Variants in ARMCX4 observed in about 807,000 individuals in gnomAD.
ARMCX4 encodes the protein armadillo repeat containing X-linked 4.
A neutral mutation model predicts 34.7 loss-of-function variants in ARMCX4; 3 were observed. The ratio of observed to expected loss-of-function variants is 0.09; its 90% CI spans 0.04 to 0.22. The LOEUF is 0.22. ARMCX4 is among the 10% of genes least tolerant of loss of function. The pLI is 1.00. For missense variants in ARMCX4, 1,448 were observed against 1,720.8 expected (o/e 0.84, Z 2.81); for synonymous variants, 513 against 632.8 (o/e 0.81, Z 2.84).
chrX:101,441,001 T>C (rs2147561764), intron 2 of ARMCX4, among the ~76,000 whole-genome samples: 1 of 110,840 alleles, frequency 9.0e-6, no homozygotes, highest in African/African-American at 3.3e-5. Flanking sequence ...TTTCTGACAC[T>C]CCTCAGTGAG....
At position 101,492,964 on chromosome X, in the gene ARMCX4, G is replaced by T; in HGVS notation, c.4375G>T (p.Val1459Phe). The change falls in exon 6 of 6, where the codon GTT (valine) becomes TTT (phenylalanine). Residue 1459 changes from valine to phenylalanine, a missense_variant. Physicochemically the swap from Val to Phe is conservative, Grantham distance 50. This residue lies in a region of ARMCX4 where 1,343 missense variants were observed against 1,540.7 expected (regional missense o/e 0.87). Coordinates refer to ENST00000423738, the MANE Select transcript of ARMCX4 (RefSeq NM_001256155.3). ...SWTGAGHPASVGPKPIFEDQV... is the reference protein window; with the variant it reads ...SWTGAGHPASFGPKPIFEDQV... ...GACTGGGGCTGGGCATCCAGCTAGT[G>T]TTGGGCCAAAGCCTATATTTGAGGA... 1 of 1,155,778 alleles carries T rather than the reference G, an allele frequency of 8.7e-7. No individual in the cohort carries two copies. Among genetic ancestry groups the T allele is most frequent in the Non-Finnish European group, 1.1e-6 (1 of 872,664 alleles).
downstream of ARMCX4, among the ~76,000 whole-genome samples, chrX:101,534,367 A>G (rs1215142345): frequency 9.0e-6 from 1 of 111,435 alleles, no homozygotes; most frequent in Non-Finnish European, 1.9e-5. Context: ...TTTTTAGGGG[A>G]CTATAACAAA....
intron 11 of ARMCX4, among the ~76,000 whole-genome samples, chrX:101,512,944 C>T (rs1556016801): frequency 9.3e-6 from 1 of 107,092 alleles, no homozygotes; most frequent in African/African-American, 3.4e-5. Flanking sequence ...TGGGAACTGA[C>T]AAGCCTGAAA....
At chrX:101,527,894 C>T (rs1308325875) in intron 11 of ARMCX4, among the ~76,000 whole-genome samples, 3 of 111,600 alleles carry the variant, frequency 2.7e-5, no homozygotes, top group African/African-American at 9.8e-5. Context: ...CCGAATTCTA[C>T]CAGAGGTACA....
At chrX:101,531,347 A>G (rs1330759097) in intron 11 of ARMCX4, among the ~76,000 whole-genome samples, 1 of 112,170 alleles carries the variant, frequency 8.9e-6, no homozygotes, top group Non-Finnish European at 1.9e-5. Flanking sequence ...TTGAGGAGCC[A>G]TTATTCTTCC....
chrX:101,493,424 G>A lies in ARMCX4; in HGVS notation c.4835G>A (p.Gly1612Asp). The A allele has an allele frequency of 8.7e-7, 1 of 1,153,964 alleles. No homozygotes were observed. Among genetic ancestry groups the A allele is most frequent in the Non-Finnish European group, 1.1e-6 (1 of 872,094 alleles). Residue 1612 changes from glycine (G) to aspartate (D), a missense_variant, in exon 6 of 6, where the codon GGT becomes GAT. By Grantham distance (94) the Gly-to-Asp change is moderately conservative (BLOSUM62 -1). Coordinates refer to ENST00000423738, the MANE Select transcript of ARMCX4 (RefSeq NM_001256155.3). ...CAGTCCAGTGGAATAGGTTCCTGGG[G>A]TGTGGCTGGTGGCCAGGTCCTTGGG... ...EDQSSGIGSW[G>D]VAGGQVLGGA... is the part of the protein sequence containing the mutation.
chrX:101,458,343 T>G (rs782026037), intron 4 of ARMCX4, among the ~76,000 whole-genome samples: 1 of 111,128 alleles, frequency 9.0e-6, no homozygotes, highest in East Asian at 2.8e-4. Context: ...TAAAATAACA[T>G]AAATAAGTAA....
intron 11 of ARMCX4, chrX:101,516,782 C>T (rs1934754452): frequency 9.0e-6 from 1 of 111,409 alleles, no homozygotes; most frequent in Non-Finnish European, 1.9e-5. Flanking sequence ...TCACTGCAGC[C>T]TTGGCATTAT....
intron 2 of ARMCX4, among the ~76,000 whole-genome samples, chrX:101,439,826 A>G (rs782767237): frequency 2.7e-5 from 3 of 111,944 alleles, no homozygotes; most frequent in South Asian, 7.5e-4. Context: ...TTTCAGCTCC[A>G]TCAGGTCCTT....
At chrX:101,420,512 A>T (rs1009103287) in intron 2 of ARMCX4, among the ~76,000 whole-genome samples, 3 of 112,018 alleles carry the variant, frequency 2.7e-5, no homozygotes, top group Admixed American at 9.5e-5. Flanking sequence ...TAGCCATGCA[A>T]GTGTATAATT....
upstream of ARMCX4, among the ~76,000 whole-genome samples, chrX:101,484,203 C>G (rs1933591408): frequency 9.0e-6 from 1 of 111,657 alleles, no homozygotes; most frequent in African/African-American, 3.3e-5. Flanking sequence ...CATCCACAGA[C>G]CCTCACCACC....
intron 11 of ARMCX4, among the ~76,000 whole-genome samples, chrX:101,524,675 G>A (rs1934926489): frequency 9.0e-6 from 1 of 111,630 alleles, no homozygotes; most frequent in Non-Finnish European, 1.9e-5. Flanking sequence ...CACCTGGCTC[G>A]GCGGGTCCCA....
At chrX:101,531,377 G>T (rs782207621) in intron 11 of ARMCX4, among the ~76,000 whole-genome samples, 3 of 111,824 alleles carry the variant, frequency 2.7e-5, no homozygotes, top group Non-Finnish European at 1.9e-5. Context: ...AATTGTCAAG[G>T]ATTCAATAAT....
At chrX:101,505,671 G>T (rs1390921648) in intron 8 of ARMCX4, among the ~76,000 whole-genome samples, 1 of 111,493 alleles carries the variant, frequency 9.0e-6, no homozygotes, top group Non-Finnish European at 1.9e-5. Context: ...CAGCCTTCCA[G>T]CAGTATTATC....
Position 101,493,213 on chromosome X carries a change from T to C in ARMCX4, c.4624T>C (p.Ser1542Pro), listed in dbSNP as rs1281692655. The C allele has an allele frequency of 8.7e-7, 1 of 1,154,078 alleles. No homozygotes were observed. The highest frequency in any genetic ancestry group is 1.8e-5 in the African/African-American group (1 of 55,681). ...GTCTAGGCCAGGGCCCACGAACCAG[T>C]CCAGTGCTGGGTCCTGGGATAGCCC... ...GGSRPGPTNQ[S>P]SAGSWDSPGS... Residue 1542 changes from serine (S) to proline (P), a missense_variant, in exon 6 of 6, where the codon TCC becomes CCC. This residue lies in a region of ARMCX4 where 1,343 missense variants were observed against 1,540.7 expected (regional missense o/e 0.87). Coordinates refer to ENST00000423738, the MANE Select transcript of ARMCX4 (RefSeq NM_001256155.3).
Position 101,488,884 on chromosome X carries a change from G to A in ARMCX4, c.295G>A (p.Ala99Thr). 1 of 1,156,158 alleles carries A rather than the reference G, an allele frequency of 8.6e-7. No individual in the cohort carries two copies. Among genetic ancestry groups the A allele is most frequent in the Non-Finnish European group, 1.1e-6 (1 of 872,999 alleles). Reference sequence around the variant, plus strand: ...GGCCACTGCTATAGCCATACACAGAGCCAACTCTCAGGCCAAGGCAATGGT... The same window carrying A: ...GGCCACTGCTATAGCCATACACAGAACCAACTCTCAGGCCAAGGCAATGGT... ...TKATAIAIHR[A>T]NSQAKAMVGA... The change falls in exon 6 of 6, where the codon GCC becomes ACC. Residue 99 changes from alanine (A) to threonine (T), a missense_variant. Coordinates refer to ENST00000423738, the MANE Select transcript of ARMCX4 (RefSeq NM_001256155.3).
rs888166441 is a variant in ARMCX4 at position 101,531,201 on chromosome X, C to T, written c.*1781-443C>T. On this transcript the variant is annotated intron_variant and NMD_transcript_variant, in intron 11 of 12. Coordinates refer to the ARMCX4 transcript ENST00000354842. The stretch of plus-strand genomic sequence containing the variant: ...TGCTTCCTTCCTTCCTTTACAAGGA[C>T]GCTGTGATTACACTGGGCCCACCCA... 2.4e-4 allele frequency among the ~76,000 whole-genome samples: 27 copies of T among 111,808 alleles called. No individual in the cohort carries two copies. In the East Asian group the frequency reaches 2.5e-3, roughly 10 times the overall value.
intron 3 of ARMCX4, among the ~76,000 whole-genome samples, chrX:101,445,290 C>T (rs1555997758): frequency 8.9e-6 from 1 of 112,085 alleles, no homozygotes; most frequent in African/African-American, 3.2e-5. Flanking sequence ...CAAAGCTCCC[C>T]CCACTATGGA....
upstream of ARMCX4, among the ~76,000 whole-genome samples, chrX:101,481,763 T>C (rs1328376661): frequency 9.0e-6 from 1 of 111,652 alleles, no homozygotes; most frequent in East Asian, 2.8e-4. Flanking sequence ...CTTCTACCTG[T>C]TGGCAAAGCT....
Sources: gnomAD v4.1 joint callset for allele counts (sites outside exome capture counted in the v4.1 genomes callset) on GRCh38, gnomAD v4.1.1 for gene constraint, gnomAD v4.1.1 regional missense constraint, MANE v1.5 for transcripts, NCBI Gene and HGNC (gene_info 2026-07-23, HGNC 2026-07-21) for gene names.